Variants in NOVA1 observed in about 807,000 individuals in gnomAD.
NOVA1 encodes the protein NOVA alternative splicing regulator 1, also known as RNA-binding protein Nova-1.
A neutral mutation model predicts 38.0 loss-of-function variants in NOVA1; 7 were observed. That is an observed-to-expected ratio of 0.18 (90% CI 0.10 to 0.35). The LOEUF is 0.35. Ranked by LOEUF, NOVA1 falls within the 10% of genes least tolerant of loss-of-function variation. The pLI, the probability that NOVA1 is intolerant of heterozygous loss-of-function variation, is 1.00. For missense variants in NOVA1, 460 were observed against 616.0 expected (o/e 0.75, Z 2.68); for synonymous variants, 270 against 232.5 (o/e 1.16, Z -1.47).
chr14:26,480,319 T>A (rs901920680), intron 2 of NOVA1, among the ~76,000 whole-genome samples, 176 bp from the exon 3 acceptor site: 3 of 152,164 alleles, frequency 2.0e-5, no homozygotes, highest in Admixed American at 2.0e-4. Flanking sequence ...TTTTATAAAT[T>A]CCGTTCTAGT....
chr14:26,555,565 T>A (rs899804923), intron 2 of NOVA1, among the ~76,000 whole-genome samples: 1 of 152,162 alleles, frequency 6.6e-6, no homozygotes, highest in Middle Eastern at 3.2e-3. Flanking sequence ...TCTAAATTTA[T>A]ACGTTTTTTC....
intron 2 of NOVA1, among the ~76,000 whole-genome samples, chr14:26,538,304 A>G (rs2138585010): frequency 6.6e-6 from 1 of 152,290 alleles, no homozygotes; most frequent in East Asian, 1.9e-4. Flanking sequence ...ACAATTTTCT[A>G]CCTTTCAAAC....
At chr14:26,463,380 CAT>C (rs898675926) in intron 4 of NOVA1, among the ~76,000 whole-genome samples, 9 of 152,212 alleles carry the variant, frequency 5.9e-5, no homozygotes, top group South Asian at 2.1e-4. Flanking sequence ...TATACACAAA[CAT>C]AAAGTTTTGT....
chr14:26,547,026 A>T (rs369428464), intron 2 of NOVA1, among the ~76,000 whole-genome samples: 73 of 152,160 alleles, frequency 4.8e-4, no homozygotes, highest in East Asian at 2.9e-3. Context: ...TCAAAAAAAT[A>T]AAATTAAATT....
chr14:26,557,305 C>T (rs1478998948), intron 2 of NOVA1, among the ~76,000 whole-genome samples: 1 of 152,140 alleles, frequency 6.6e-6, no homozygotes, highest in Non-Finnish European at 1.5e-5. Flanking sequence ...AAAACGCTGA[C>T]ATCACCATAT....
chr14:26,559,531 C>T (rs1312741989), intron 2 of NOVA1, among the ~76,000 whole-genome samples: 2 of 152,112 alleles, frequency 1.3e-5, no homozygotes, highest in Non-Finnish European at 2.9e-5. Flanking sequence ...TTCTATACCA[C>T]ATACACATGG....
At chr14:26,473,069 T>C (rs1030148569) in intron 3 of NOVA1, among the ~76,000 whole-genome samples, 3 of 152,002 alleles carry the variant, frequency 2.0e-5, no homozygotes, top group Admixed American at 2.0e-4. Flanking sequence ...ATAATATTTT[T>C]ATTATTTATC....
chr14:26,463,976 C>T (rs1302438951), intron 4 of NOVA1, among the ~76,000 whole-genome samples: 1 of 152,142 alleles, frequency 6.6e-6, no homozygotes, highest in African/African-American at 2.4e-5. Flanking sequence ...GTCATGACAA[C>T]TCTGCGAGGT....
chr14:26,466,493 C>A (rs1307247511), intron 4 of NOVA1, among the ~76,000 whole-genome samples: 1 of 152,128 alleles, frequency 6.6e-6, no homozygotes, highest in East Asian at 1.9e-4. Flanking sequence ...AAGGTGAACA[C>A]AAGTTATGTG....
At chr14:26,466,166 G>A (rs184641563) in intron 4 of NOVA1, among the ~76,000 whole-genome samples, 2 of 152,124 alleles carry the variant, frequency 1.3e-5, no homozygotes, top group South Asian at 2.1e-4. Context: ...GTCTGCAAGG[G>A]GCAACAAATG....
At chr14:26,529,900 T>C (rs944690755) in intron 2 of NOVA1, among the ~76,000 whole-genome samples, 1 of 152,176 alleles carries the variant, frequency 6.6e-6, no homozygotes, top group Non-Finnish European at 1.5e-5. Flanking sequence ...CCTTTTGCTG[T>C]CTATGTAAAT....
chr14:26,520,713 T>C, intron 2 of NOVA1, among the ~76,000 whole-genome samples: 1 of 152,046 alleles, frequency 6.6e-6, no homozygotes, highest in Non-Finnish European at 1.5e-5. Flanking sequence ...TAAATTTTAG[T>C]GAGGGGACAA....
At chr14:26,475,030 T>C (rs1884871320) in intron 3 of NOVA1, among the ~76,000 whole-genome samples, 1 of 152,076 alleles carries the variant, frequency 6.6e-6, no homozygotes, top group Non-Finnish European at 1.5e-5. Flanking sequence ...ACTAAAGTAA[T>C]ACTTGTAAAA....
intron 2 of NOVA1, among the ~76,000 whole-genome samples, chr14:26,536,546 G>A (rs1187491494): frequency 6.6e-6 from 1 of 150,604 alleles, no homozygotes. Context: ...AGATATAGCT[G>A]GCATAACTAG....
intron 2 of NOVA1, among the ~76,000 whole-genome samples, chr14:26,534,629 T>C (rs781096903): frequency 6.6e-6 from 1 of 152,130 alleles, no homozygotes; most frequent in Non-Finnish European, 1.5e-5. Context: ...AATTATTCTA[T>C]ATGGGCAGGC....
chr14:26,559,003 T>TTA (rs1444379462), intron 2 of NOVA1, among the ~76,000 whole-genome samples: 2 of 151,996 alleles, frequency 1.3e-5, no homozygotes, highest in Non-Finnish European at 2.9e-5. Context: ...AAAAGAAAAC[T>TTA]TATAGGGAGA....
Position 26,597,500 on chromosome 14 carries a change from CTTTTTTCTTTTTTT to C in NOVA1, c.-78_-65del. On this transcript the variant is annotated 5_prime_UTR_variant, in exon 1 of 5. Coordinates refer to ENST00000539517, the MANE Select transcript of NOVA1 (RefSeq NM_002515.3). ...CCCTTTTGTTTTGGCTTTTTCTTTTCTTTTTTCTTTTTTTTTTTTTTTTTTTTTTGCGTTTGGGG... is the reference window on the plus strand; with the variant it reads ...CCCTTTTGTTTTGGCTTTTTCTTTTCTTTTTTTTTTTTTTTGCGTTTGGGG... 1.2e-6 allele frequency: 1 copy of C among 850,762 alleles called. No homozygotes were observed. Among genetic ancestry groups the C allele is most frequent in the Non-Finnish European group, 1.4e-6 (1 of 702,822 alleles). The allele number at this position is 850,762 out of a possible 1,614,324, so 52.7% of individuals were successfully genotyped here. A position where few individuals can be genotyped will look rare whatever the true frequency, so the allele number is the denominator to read the frequency against.
At chr14:26,592,015 G>A (rs936767007) in intron 2 of NOVA1, among the ~76,000 whole-genome samples, 11 of 150,540 alleles carry the variant, frequency 7.3e-5, no homozygotes, top group Admixed American at 2.0e-4. Flanking sequence ...GATTCTGTTT[G>A]ACTGATGTAA....
intron 2 of NOVA1, among the ~76,000 whole-genome samples, chr14:26,520,092 T>C (rs564274188): frequency 6.6e-4 from 100 of 152,370 alleles, no homozygotes; most frequent in African/African-American, 2.2e-3. Flanking sequence ...ATTTAACATA[T>C]ATTGTTGATA....
Sources: allele counts gnomAD v4.1 joint callset (sites outside exome capture counted in the v4.1 genomes callset), GRCh38; gene constraint gnomAD v4.1.1; transcripts MANE v1.5; gene names NCBI Gene and HGNC (gene_info 2026-07-23, HGNC 2026-07-21).